Variants in TEP1 observed in about 807,000 individuals in gnomAD.
The protein encoded by TEP1 is telomerase protein component 1.
Under a neutral mutation model 306.3 loss-of-function variants are expected in TEP1, and 241 were observed. The ratio of observed to expected loss-of-function variants is 0.79; its 90% CI spans 0.71 to 0.88. The LOEUF is 0.88. Among genes scored for constraint, TEP1 ranks in the 40% least tolerant of loss-of-function variants. The pLI, the probability that TEP1 is intolerant of heterozygous loss-of-function variation, is 0.00. For missense variants in TEP1, 3,051 were observed against 3,276.1 expected (o/e 0.93, Z 1.68); for synonymous variants, 1,289 against 1,305.5 (o/e 0.99, Z 0.27).
chr14:20,383,401 C>A, intron 26 of TEP1, 48 bp from the exon 27 acceptor site: 1 of 1,602,082 alleles, frequency 6.2e-7, no homozygotes, highest in Non-Finnish European at 8.5e-7. Flanking sequence ...AAAAGGAGAA[C>A]CACATTGGAG....
At position 20,384,487 on chromosome 14, in the gene TEP1, A is replaced by AC. The variant is rs777244307; in HGVS notation, c.3242dup (p.Val1082CysfsTer47). ...CAACATAGGGCCGGCCAGCTGCCAC[A>AC]CCCCCCCACTCACAGGGGTATCTGT... is the stretch of plus-strand genomic sequence containing the variant. On this transcript the variant is annotated frameshift_variant, in exon 23 of 55. Coordinates refer to ENST00000262715, the MANE Select transcript of TEP1 (RefSeq NM_007110.5). LOFTEE classifies it high-confidence loss of function. 3.4e-5 allele frequency: 55 copies of AC among 1,612,754 alleles called. No homozygotes were observed. In the Admixed American group the frequency reaches 3.5e-4, roughly 10 times the overall value.
chr14:20,370,487 T>C (rs1425990847), intron 51 of TEP1, among the ~76,000 whole-genome samples: 1 of 152,228 alleles, frequency 6.6e-6, no homozygotes, highest in East Asian at 1.9e-4. Flanking sequence ...CCCAGAATAA[T>C]GTCTACGAGG....
At chr14:20,379,202 AAG>A in intron 35 of TEP1, 97 bp from the exon 36 acceptor site, 1 of 1,494,254 alleles carries the variant, frequency 6.7e-7, no homozygotes. Flanking sequence ...CCAAGGCACA[AAG>A]GCCATGAGTC....
chr14:20,375,073 A>G (rs746671394), intron 43 of TEP1, among the ~76,000 whole-genome samples: 25 of 148,306 alleles, frequency 1.7e-4, no homozygotes, highest in Non-Finnish European at 3.0e-4. Flanking sequence ...CCTGGGCAAC[A>G]AGAACGAAAC....
chr14:20,394,449 A>G (rs1878007894), intron 12 of TEP1, among the ~76,000 whole-genome samples: 1 of 149,552 alleles, frequency 6.7e-6, no homozygotes, highest in Non-Finnish European at 1.5e-5. Flanking sequence ...CAGTACACAA[A>G]TACCATTTGG....
Position 20,396,610 on chromosome 14 carries a change from C to A in TEP1, c.1659+11G>T. 1 of 1,599,226 alleles carries A rather than the reference C, an allele frequency of 6.3e-7. No individual in the cohort carries two copies. The highest frequency in any genetic ancestry group is 8.6e-7 in the Non-Finnish European group (1 of 1,167,864). ...TGCTGGGCCCCATGGCTACCAGCCC[C>A]TCACACATACCGCATGCTGGAGTCT... On this transcript the variant is annotated intron_variant, in intron 10 of 54. Coordinates refer to ENST00000262715, the MANE Select transcript of TEP1 (RefSeq NM_007110.5).
Position 20,386,439 on chromosome 14 carries a change from C to T in TEP1, c.2861+8G>A. 6.3e-7 allele frequency: 1 copy of T among 1,596,142 alleles called. No individual in the cohort carries two copies. The highest frequency in any genetic ancestry group is 1.7e-5 in the Admixed American group (1 of 59,088). On this transcript the variant is annotated splice_region_variant and intron_variant, in intron 19 of 54. Coordinates refer to ENST00000262715, the MANE Select transcript of TEP1 (RefSeq NM_007110.5). The stretch of plus-strand genomic sequence containing the variant: ...CGACCCAGCCCCTCTTCTCTGCAGC[C>T]CCCACACCTGTTCCTACGGGTCTCC...
intron 2 of TEP1, 98 bp downstream of exon 2, chr14:20,407,773 GAC>G: frequency 9.0e-7 from 1 of 1,112,142 alleles, no homozygotes; most frequent in East Asian, 2.4e-5. Context: ...AAGATAGCCA[GAC>G]ACAGAGCAGC....
At chr14:20,382,575 A>T in intron 28 of TEP1, 48 bp downstream of exon 28, 2 of 1,604,614 alleles carry the variant, frequency 1.2e-6, no homozygotes, top group Non-Finnish European at 1.7e-6. Context: ...GCAGCTGAAG[A>T]GAGAATGGGA....
In TEP1 at chr14:20,378,858, C is replaced by A. The variant is rs1416462186; in HGVS notation, c.5253-5G>T. On this transcript the variant is annotated splice_polypyrimidine_tract_variant and splice_region_variant and intron_variant, in intron 36 of 54. Coordinates refer to ENST00000262715, the MANE Select transcript of TEP1 (RefSeq NM_007110.5). ...TGAGCCTTAGTCTGCAGCACCCTAT[C>A]CCAGGAAGATGAAGTCAGTCCTCTG... The A allele has an allele frequency of 6.2e-7, 1 of 1,614,184 alleles. No individual in the cohort carries two copies. Among genetic ancestry groups the A allele is most frequent in the South Asian group, 1.1e-5 (1 of 91,080 alleles).
In TEP1 at chr14:20,385,122, C is replaced by T. The variant is rs776447187; in HGVS notation, c.2983-13G>A. 6.2e-7 allele frequency: 1 copy of T among 1,613,550 alleles called. No individual in the cohort carries two copies. Among genetic ancestry groups the T allele is most frequent in the Non-Finnish European group, 8.5e-7 (1 of 1,179,886 alleles). On this transcript the variant is annotated splice_polypyrimidine_tract_variant and intron_variant, in intron 20 of 54. Transcript: ENST00000262715. ...GGTACTGCTGGGCCTGCGGGGAGGA[C>T]AGAGACAGTGAGTTTAGTCCTAGGC...
chr14:20,404,941 T>A (rs910397987), intron 4 of TEP1, among the ~76,000 whole-genome samples, 169 bp from the exon 5 acceptor site: 4 of 152,190 alleles, frequency 2.6e-5, no homozygotes, highest in African/African-American at 9.7e-5. Context: ...AAGTCCTCCA[T>A]ACTCTATCCC....
rs1566483289 is a variant in TEP1, at chr14:20,405,421, AC to A, written c.870+29del. 1.9e-6 allele frequency: 3 copies of A among 1,605,542 alleles called. No individual in the cohort carries two copies. In the African/African-American group the frequency reaches 4.1e-5, roughly 22 times the overall value. On this transcript the variant is annotated intron_variant, in intron 4 of 54. Coordinates refer to ENST00000262715, the MANE Select transcript of TEP1 (RefSeq NM_007110.5). ...CACACTCCCAGTCTACCAGCTTCAC[AC>A]CCCCATCCCCTCCTTCACACCTCAA... is the stretch of plus-strand genomic sequence containing the variant.
At position 20,378,452 on chromosome 14, in the gene TEP1, C is replaced by A. The variant is rs772469823; in HGVS notation, c.5436G>T (p.Gly1812=). ...CCCAGCTGCCTGTGGCTATTACCTG[C>A]CCCTCTGGGTGGAAGGCAACACAGT... The part of the protein sequence containing the change: ...SLNCVAFHPE[G]QVIATGSWAG... The change falls in exon 38 of 55, where the codon GGG becomes GGT. Residue 1812 remains glycine, a synonymous_variant. Coordinates refer to ENST00000262715, the MANE Select transcript of TEP1 (RefSeq NM_007110.5). 1 of 1,614,234 alleles carries A rather than the reference C, an allele frequency of 6.2e-7. No individual in the cohort carries two copies. The highest frequency in any genetic ancestry group is 8.5e-7 in the Non-Finnish European group (1 of 1,180,050).
rs535833438 is a variant in TEP1, at chr14:20,381,425, G to A, written c.4559-24C>T. 5.0e-6 allele frequency: 8 copies of A among 1,613,780 alleles called. No individual in the cohort carries two copies. The East Asian group carries it at 6.7e-5, about 13-fold the overall frequency. On this transcript the variant is annotated intron_variant, in intron 31 of 54. Coordinates refer to ENST00000262715, the MANE Select transcript of TEP1 (RefSeq NM_007110.5). This position sits in a 1 kb window ranked among gnomAD's most constrained non-coding sequence, Gnocchi z 4.0. ...AGCTGCATGAACAGATATTGAGAAA[G>A]GCTCAGCCCTGCATCATTCCCAAGG...
chr14:20,410,482 G>A (rs1416972254), intron 1 of TEP1, among the ~76,000 whole-genome samples: 4 of 152,008 alleles, frequency 2.6e-5, no homozygotes, highest in Non-Finnish European at 4.4e-5. Context: ...GAGTGCAATG[G>A]CACGATCTTG....
intron 7 of TEP1, 136 bp downstream of exon 7, chr14:20,403,241 T>TCAGA: frequency 9.4e-7 from 1 of 1,061,940 alleles, no homozygotes; most frequent in Non-Finnish European, 1.4e-6. Flanking sequence ...CCCAGTGCTC[T>TCAGA]CAGAACCTTA....
intron 1 of TEP1, among the ~76,000 whole-genome samples, chr14:20,411,079 C>G (rs1879653550): frequency 6.6e-6 from 1 of 152,112 alleles, no homozygotes; most frequent in African/African-American, 2.4e-5. Context: ...CTCAGCCTCC[C>G]AAAGTGCTAG....
Position 20,368,473 on chromosome 14 carries a change from G to A in TEP1, c.7848C>T (p.Asp2616=), listed in dbSNP as rs752181848. The part of the protein sequence containing the change: ...ANSTLQLAVG[D]VQGNVYFLNW... ...TCAGAAAGTACACATTGCCCTGCAC[G>A]TCTCCCACGGCAAGCTGCAGGGTGG... Residue 2616 remains aspartate (D), a synonymous_variant, in exon 55 of 55, where the codon GAC becomes GAT. Transcript: ENST00000262715. The A allele has an allele frequency of 8.7e-6, 14 of 1,614,014 alleles. No individual in the cohort carries two copies. Among genetic ancestry groups the A allele is most frequent in the East Asian group, 4.5e-5 (2 of 44,896 alleles).
Sources: gnomAD v4.1 joint callset for allele counts (sites outside exome capture counted in the v4.1 genomes callset) on GRCh38, gnomAD v4.1.1 for gene constraint, Gnocchi (gnomAD v3.1) non-coding constraint, MANE v1.5 for transcripts, NCBI Gene and HGNC (gene_info 2026-07-23, HGNC 2026-07-21) for gene names.